TENM4: variants seen among roughly 807,000 people sequenced by gnomAD.
TENM4 encodes the protein teneurin-4.
TENM4 carries 82 observed loss-of-function variants against 243.3 expected under a neutral mutation model. That is an observed-to-expected ratio of 0.34 (90% CI 0.28 to 0.40). TENM4 has a LOEUF of 0.40. TENM4 is among the 10% of genes least tolerant of loss of function. The pLI is 1.00. For missense variants in TENM4, 3,138 were observed against 3,673.3 expected (o/e 0.85, Z 3.77); for synonymous variants, 1,412 against 1,456.3 (o/e 0.97, Z 0.69).
At chr11:79,320,382 G>C (rs950158013) in intron 1 of TENM4, among the ~76,000 whole-genome samples, 5 of 152,210 alleles carry the variant, frequency 3.3e-5, no homozygotes, top group African/African-American at 1.2e-4. Context: ...CCCGGCTTTG[G>C]TTGGAGGAAT....
intron 6 of TENM4, among the ~76,000 whole-genome samples, chr11:79,038,800 A>T (rs760522807): frequency 1.2e-4 from 19 of 152,256 alleles, no homozygotes; most frequent in Non-Finnish European, 2.4e-4. Flanking sequence ...CAAGAGTTTA[A>T]CTTGGCAGGT....
chr11:78,697,430 A>G (rs1161812616), intron 28 of TENM4, among the ~76,000 whole-genome samples: 2 of 152,190 alleles, frequency 1.3e-5, no homozygotes, highest in Non-Finnish European at 2.9e-5. Flanking sequence ...AAGGTTGGGC[A>G]TGATGCACTT....
intron 6 of TENM4, among the ~76,000 whole-genome samples, chr11:78,975,389 C>G (rs1382949963): frequency 1.3e-5 from 2 of 152,046 alleles, no homozygotes; most frequent in African/African-American, 4.8e-5. Flanking sequence ...ACAAAGCAAG[C>G]TGGATTATCT....
At chr11:79,213,623 G>A (rs368739624) in intron 3 of TENM4, among the ~76,000 whole-genome samples, 5 of 152,312 alleles carry the variant, frequency 3.3e-5, no homozygotes, top group Admixed American at 2.0e-4. Context: ...CCCCATGTGG[G>A]GATGAGCAGC....
chr11:79,374,961 G>A (rs1857863488), intron 1 of TENM4, among the ~76,000 whole-genome samples: 1 of 152,156 alleles, frequency 6.6e-6, no homozygotes, highest in African/African-American at 2.4e-5. Context: ...AGACTCTAAT[G>A]CCACTTTGCC....
chr11:78,783,720 T>C (rs909743097), intron 16 of TENM4, among the ~76,000 whole-genome samples: 1 of 152,232 alleles, frequency 6.6e-6, no homozygotes, highest in African/African-American at 2.4e-5. Context: ...ATACTGTCAT[T>C]GAAGAGGATG....
chr11:79,267,976 C>T (rs567646919), intron 2 of TENM4, among the ~76,000 whole-genome samples: 2 of 152,236 alleles, frequency 1.3e-5, no homozygotes, highest in African/African-American at 4.8e-5. Context: ...TCCTATCAAG[C>T]GAGTGCTAGG....
rs530031908 is a variant in TENM4, at chr11:79,375,680, G to A, written c.-321+64829C>T. ...AAATAATCATAGACCCCTGCCCTTC[G>A]GAAGAAAAATGTGAAGCAATTAAGA... On this transcript the variant is annotated intron_variant, in intron 1 of 33. Transcript: ENST00000278550. Among the ~76,000 whole-genome samples, 6 of 152,202 alleles carry A rather than the reference G, an allele frequency of 3.9e-5. 1 individual carries two copies. The highest frequency in any genetic ancestry group is 1.4e-4 in the African/African-American group (6 of 41,520).
chr11:78,657,951 T>C lies in TENM4; in HGVS notation c.*107A>G, dbSNP rs545420295. On this transcript the variant is annotated 3_prime_UTR_variant, in exon 34 of 34. Coordinates refer to ENST00000278550, the MANE Select transcript of TENM4 (RefSeq NM_001098816.3). ...GAGTTACAATGCAACCAGTATCTTT[T>C]TGTTTCTGCACTTGTTAAAAAATCA... The C allele has an allele frequency of 7.0e-5, 107 of 1,537,958 alleles. No individual in the cohort carries two copies. The highest frequency in any genetic ancestry group is 8.6e-5 in the Non-Finnish European group (96 of 1,115,402).
At chr11:79,380,489 T>A (rs1002379742) in intron 1 of TENM4, among the ~76,000 whole-genome samples, 1 of 152,218 alleles carries the variant, frequency 6.6e-6, no homozygotes, top group Non-Finnish European at 1.5e-5. Flanking sequence ...ATTGATCTAT[T>A]TCAGTGTTTA....
intron 1 of TENM4, among the ~76,000 whole-genome samples, chr11:79,332,036 T>C (rs1320358420): frequency 2.0e-5 from 3 of 152,244 alleles, no homozygotes; most frequent in Non-Finnish European, 4.4e-5. Flanking sequence ...TAGATGCTGT[T>C]CACCGAGCAT....
intron 6 of TENM4, among the ~76,000 whole-genome samples, chr11:78,949,523 A>G (rs1033297345): frequency 3.3e-5 from 5 of 152,256 alleles, no homozygotes; most frequent in Non-Finnish European, 7.3e-5. Context: ...TCCTAATATT[A>G]GAAGTTATCT....
intron 5 of TENM4, among the ~76,000 whole-genome samples, chr11:79,066,725 C>T (rs1273429760): frequency 1.5e-5 from 2 of 133,726 alleles, no homozygotes; most frequent in Non-Finnish European, 3.2e-5. Flanking sequence ...CACTCGAGCA[C>T]ACACGCGCAC....
intron 1 of TENM4, among the ~76,000 whole-genome samples, chr11:79,301,088 C>T (rs1469679646): frequency 1.3e-5 from 2 of 152,168 alleles, no homozygotes; most frequent in African/African-American, 4.8e-5. Flanking sequence ...TCTGCAGTGG[C>T]CTCCCAGTAG....
At chr11:79,077,849 G>A (rs139005246) in intron 4 of TENM4, among the ~76,000 whole-genome samples, 104 of 152,334 alleles carry the variant, frequency 6.8e-4, no homozygotes, top group Non-Finnish European at 9.7e-4. Context: ...GCCTGCCCTC[G>A]GAGGACCTGG....
intron 1 of TENM4, among the ~76,000 whole-genome samples, chr11:79,355,344 C>T (rs543202690): frequency 9.9e-5 from 15 of 152,244 alleles, no homozygotes; most frequent in African/African-American, 3.6e-4. Context: ...ACCAGCCTGG[C>T]CAACATGGTA....
chr11:79,433,864 A>G (rs1249802170), intron 1 of TENM4, among the ~76,000 whole-genome samples: 3 of 152,204 alleles, frequency 2.0e-5, no homozygotes, highest in Non-Finnish European at 2.9e-5. Context: ...AGCAGCATCT[A>G]AACCGTTGTC....
intron 6 of TENM4, among the ~76,000 whole-genome samples, chr11:78,958,702 G>C (rs1857257401): frequency 6.6e-6 from 1 of 152,220 alleles, no homozygotes; most frequent in Non-Finnish European, 1.5e-5. Flanking sequence ...TGATGCTGGA[G>C]AGTCCAGCGC....
chr11:79,293,444 C>A (rs764093188), intron 2 of TENM4, among the ~76,000 whole-genome samples: 1 of 149,974 alleles, frequency 6.7e-6, no homozygotes, highest in Non-Finnish European at 1.5e-5. Flanking sequence ...ACGTTTGAGG[C>A]TGCAGTGAGC....
Sources: allele counts gnomAD v4.1 joint callset (sites outside exome capture counted in the v4.1 genomes callset), GRCh38; gene constraint gnomAD v4.1.1; transcripts MANE v1.5; gene names NCBI Gene and HGNC (gene_info 2026-07-23, HGNC 2026-07-21).